The following NINJ2 variants were observed in gnomAD, a reference collection of about 807,000 sequenced individuals.
The protein encoded by NINJ2 is ninjurin-2.
A neutral mutation model predicts 11.7 loss-of-function variants in NINJ2; 12 were observed. The observed-to-expected ratio is 1.02, with a 90% confidence interval of 0.66 to 1.66. The LOEUF is 1.66. Among genes scored for constraint, NINJ2 ranks in the 40% most tolerant of loss-of-function variants. The probability of loss-of-function intolerance (pLI) is 0.00; values close to 1 mark genes in which losing one functional copy is unlikely to be tolerated. For synonymous variants in NINJ2, 93 were observed against 76.8 expected, an observed-to-expected ratio of 1.21 and a Z score of -1.10; for missense variants, 187 against 181.8, an observed-to-expected ratio of 1.03 and a Z score of -0.16.
intron 1 of NINJ2, among the ~76,000 whole-genome samples, chr12:648,996 G>GTCTA (rs4017978): frequency 0.26 from 39,294 of 148,622 alleles, 5,533 homozygotes; most frequent in Non-Finnish European, 0.32. Flanking sequence ...CTATCTATCT[G>GTCTA]TCTATCTATC....
chr12:577,420 T>TACATATAC, intron 1 of NINJ2, among the ~76,000 whole-genome samples: 1 of 141,264 alleles, frequency 7.1e-6, no homozygotes, highest in Admixed American at 7.3e-5. Flanking sequence ...TAGTCTCATA[T>TACATATAC]ATATATATAC....
At chr12:565,854 C>T (rs765852170) in intron 2 of NINJ2, 96 bp downstream of exon 2, 2 of 1,073,742 alleles carry the variant, frequency 1.9e-6, no homozygotes, top group African/African-American at 1.6e-5. Flanking sequence ...GCAAAGCTGC[C>T]TGTGCCAATG....
chr12:594,300 T>C (rs1399953370), intron 1 of NINJ2, among the ~76,000 whole-genome samples: 3 of 152,210 alleles, frequency 2.0e-5, no homozygotes, highest in African/African-American at 7.2e-5. Context: ...TTCCTATAGA[T>C]CATCAATGAA....
intron 1 of NINJ2, among the ~76,000 whole-genome samples, chr12:634,997 G>A (rs1338132887): frequency 6.6e-6 from 1 of 151,814 alleles, no homozygotes; most frequent in Non-Finnish European, 1.5e-5. Flanking sequence ...CTTCCCCATC[G>A]GCCTGCCAAA....
chr12:616,446 AGACTG>A (rs1426178012), intron 1 of NINJ2, among the ~76,000 whole-genome samples: 3 of 152,200 alleles, frequency 2.0e-5, no homozygotes, highest in African/African-American at 2.4e-5. Context: ...GGAGAACATA[AGACTG>A]GGTCGTTGGG....
rs562662615 is a variant in NINJ2, at chr12:652,784, C to T, written c.33+10544G>A. Among the ~76,000 whole-genome samples the T allele has an allele frequency of 2.6e-5, 4 of 151,330 alleles. No individual in the cohort carries two copies. The East Asian group carries it at 7.9e-4, about 30-fold the overall frequency. On this transcript the variant is annotated intron_variant, in intron 1 of 3. Transcript: ENST00000305108. ...CCAATATAGTGAAACCCCATGTCTA[C>T]TAAAAATACAAAAATTAGCTGGGCG...
chr12:640,298 T>G lies in NINJ2; in HGVS notation c.33+23030A>C, dbSNP rs1449450129. Among the ~76,000 whole-genome samples the G allele has an allele frequency of 6.6e-6, 1 of 152,162 alleles. No homozygotes were observed. Among genetic ancestry groups the G allele is most frequent in the Non-Finnish European group, 1.5e-5 (1 of 68,036 alleles). ...AAACTTGGAGGCAGTTTAAGAACCA[T>G]CATATCCAAAGTCCTTGTTTTACAA... On this transcript the variant is annotated intron_variant, in intron 1 of 3. Coordinates refer to ENST00000305108, the MANE Select transcript of NINJ2 (RefSeq NM_016533.6). The surrounding 1 kb of genome is among the most constrained non-coding windows in gnomAD (Gnocchi z 4.0).
At chr12:617,182 C>T (rs1313168879) in intron 1 of NINJ2, among the ~76,000 whole-genome samples, 2 of 152,076 alleles carry the variant, frequency 1.3e-5, no homozygotes, top group Non-Finnish European at 2.9e-5. Flanking sequence ...CCAGCCTGGG[C>T]GACAAAGCAA....
At chr12:590,154 G>A (rs1357139192) in intron 1 of NINJ2, among the ~76,000 whole-genome samples, 2 of 152,178 alleles carry the variant, frequency 1.3e-5, no homozygotes, top group African/African-American at 2.4e-5. Flanking sequence ...GCACAGGCTG[G>A]TCTGGAATCC....
At chr12:641,861 AAG>A (rs1235503586) in intron 1 of NINJ2, among the ~76,000 whole-genome samples, 5 of 146,148 alleles carry the variant, frequency 3.4e-5, no homozygotes, top group Non-Finnish European at 6.1e-5. Flanking sequence ...AAAAAAAAAA[AAG>A]CAGGCTGTAA....
rs953140808 is a variant in NINJ2, at chr12:585,216, G to C, written c.34-19038C>G. Among the ~76,000 whole-genome samples the C allele has an allele frequency of 6.6e-6, 1 of 151,946 alleles. No homozygotes were observed. The highest frequency in any genetic ancestry group is 1.5e-5 in the Non-Finnish European group (1 of 68,024). On this transcript the variant is annotated intron_variant, in intron 1 of 3. Coordinates refer to ENST00000305108, the MANE Select transcript of NINJ2 (RefSeq NM_016533.6). The surrounding 1 kb of genome is among the most constrained non-coding windows in gnomAD (Gnocchi z 4.1). ...GTCTCTGCAGTGACCTTCACCTGCC[G>C]CCAGCGGTTCTCTCCCCGCCATTCA...
At position 633,906 on chromosome 12, in the gene NINJ2, C is replaced by G. The variant is rs1351631690; in HGVS notation, c.33+29422G>C. Among the ~76,000 whole-genome samples the G allele has an allele frequency of 6.6e-6, 1 of 152,112 alleles. No individual in the cohort carries two copies. Among genetic ancestry groups the G allele is most frequent in the Non-Finnish European group, 1.5e-5 (1 of 68,014 alleles). On this transcript the variant is annotated intron_variant, in intron 1 of 3. Coordinates refer to ENST00000305108, the MANE Select transcript of NINJ2 (RefSeq NM_016533.6). The surrounding 1 kb of genome is among the most constrained non-coding windows in gnomAD (Gnocchi z 4.3). Reference sequence around the variant, plus strand: ...TTTAAAAATCCCCCATAATTCGGCCCCACCCCACCTATCCAGTTGTGCTTT... The same window carrying G: ...TTTAAAAATCCCCCATAATTCGGCCGCACCCCACCTATCCAGTTGTGCTTT...
chr12:625,439 GT>G (rs1358325025), intron 1 of NINJ2, among the ~76,000 whole-genome samples: 2 of 152,046 alleles, frequency 1.3e-5, no homozygotes, highest in Non-Finnish European at 2.9e-5. Context: ...ATCACTGAAG[GT>G]TTTTGAGTAG....
At chr12:643,613 G>A in intron 1 of NINJ2, 1 of 988,040 alleles carries the variant, frequency 1.0e-6, no homozygotes, top group Non-Finnish European at 1.2e-6. Flanking sequence ...GCGTTGTACG[G>A]CCACCGAGCG....
At chr12:606,326 G>C (rs1162727469) in intron 1 of NINJ2, among the ~76,000 whole-genome samples, 1 of 152,144 alleles carries the variant, frequency 6.6e-6, no homozygotes, top group Non-Finnish European at 1.5e-5. Flanking sequence ...AAAGATGATA[G>C]AGATAAAAAA....
chr12:570,869 T>C (rs1947366352), intron 1 of NINJ2, among the ~76,000 whole-genome samples: 1 of 152,234 alleles, frequency 6.6e-6, no homozygotes, highest in African/African-American at 2.4e-5. Flanking sequence ...CTTGGAACTT[T>C]GGTGCTGAGT....
intron 1 of NINJ2, among the ~76,000 whole-genome samples, chr12:582,351 TAG>T: frequency 1.1e-5 from 1 of 90,196 alleles, no homozygotes; most frequent in Non-Finnish European, 2.1e-5. Flanking sequence ...GCAGGCATGC[TAG>T]AGTGAATGAA....
intron 1 of NINJ2, among the ~76,000 whole-genome samples, chr12:578,021 G>A (rs561364932): frequency 6.4e-4 from 98 of 152,246 alleles, no homozygotes; most frequent in African/African-American, 2.3e-3. Flanking sequence ...CAGACAGCCC[G>A]GCCCCATACC....
intron 1 of NINJ2, among the ~76,000 whole-genome samples, chr12:599,024 A>G (rs1947827356): frequency 6.6e-6 from 1 of 151,922 alleles, no homozygotes; most frequent in South Asian, 2.1e-4. Flanking sequence ...TTTTGTTACA[A>G]GGATGTATTT....
Sources: gnomAD v4.1 joint callset for allele counts (sites outside exome capture counted in the v4.1 genomes callset) on GRCh38, gnomAD v4.1.1 for gene constraint, Gnocchi (gnomAD v3.1) non-coding constraint, MANE v1.5 for transcripts, NCBI Gene and HGNC (gene_info 2026-07-23, HGNC 2026-07-21) for gene names.